Variants in WNK2 observed in about 807,000 individuals in gnomAD.
WNK2 encodes the protein serine/threonine-protein kinase WNK2.
A neutral mutation model predicts 192.1 loss-of-function variants in WNK2; 67 were observed. The observed-to-expected ratio is 0.35, with a 90% CI of 0.29 to 0.43. The LOEUF is 0.43. Among genes scored for constraint, WNK2 ranks in the 20% least tolerant of loss-of-function variants. The pLI, the probability that WNK2 is intolerant of heterozygous loss-of-function variation, is 1.00. For synonymous variants in WNK2, 1,439 were observed against 1,393.9 expected (o/e 1.03, Z -0.72); for missense variants, 2,698 against 3,089.7 (o/e 0.87, Z 3.01).
chr9:93,310,190 C>T (rs1390614051), intron 28 of WNK2, among the ~76,000 whole-genome samples: 2 of 152,208 alleles, frequency 1.3e-5, no homozygotes, highest in African/African-American at 4.8e-5. Flanking sequence ...GTCCTCTTGA[C>T]AGGTACACCT....
chr9:93,205,697 A>T (rs1319417488), intron 2 of WNK2, among the ~76,000 whole-genome samples: 1 of 152,092 alleles, frequency 6.6e-6, no homozygotes, highest in Admixed American at 6.5e-5. Context: ...TTTGGTGTTG[A>T]CTTTTACTCT....
intron 19 of WNK2, among the ~76,000 whole-genome samples, chr9:93,278,569 G>A (rs1227021534): frequency 1.3e-5 from 2 of 152,184 alleles, no homozygotes; most frequent in Non-Finnish European, 2.9e-5. Context: ...CTTAAGAGCA[G>A]GATCTGAGAA....
At chr9:93,200,980 G>A (rs1302575402) in intron 2 of WNK2, among the ~76,000 whole-genome samples, 1 of 152,132 alleles carries the variant, frequency 6.6e-6, no homozygotes, top group Non-Finnish European at 1.5e-5. Context: ...ATTTTTTAAA[G>A]GTAAAGGAAA....
At chr9:93,281,209 A>G (rs1454884560) in intron 19 of WNK2, among the ~76,000 whole-genome samples, 1 of 152,226 alleles carries the variant, frequency 6.6e-6, no homozygotes, top group Non-Finnish European at 1.5e-5. Context: ...TTATTGTAGC[A>G]GTTATACCTA....
chr9:93,227,280 A>T (rs562335497), intron 2 of WNK2, among the ~76,000 whole-genome samples: 2 of 151,864 alleles, frequency 1.3e-5, no homozygotes, highest in South Asian at 4.2e-4. Context: ...CGCCCAGCTA[A>T]TTTTTTGTAT....
chr9:93,284,292 C>T (rs1429359256), intron 19 of WNK2, among the ~76,000 whole-genome samples: 1 of 152,208 alleles, frequency 6.6e-6, no homozygotes, highest in Non-Finnish European at 1.5e-5. Context: ...CCCATCAACA[C>T]TTGCAAAATA....
rs766122770 is a variant in WNK2, at chr9:93,234,914, C to T, written c.1182C>T (p.Tyr394=). Reference sequence around the variant, plus strand: ...TGCTGGAGATGGCCACCTCGGAGTACCCCTACTCGGAGTGCCAGAATGCGG... The same window carrying T: ...TGCTGGAGATGGCCACCTCGGAGTATCCCTACTCGGAGTGCCAGAATGCGG... ...MCMLEMATSE[Y]PYSECQNAAQ... is the part of the protein sequence containing the mutation. The change falls in exon 5 of 30, where the codon TAC becomes TAT. Residue 394 remains tyrosine, a synonymous_variant. Transcript: ENST00000427277. 13 of 1,614,162 alleles carry T rather than the reference C, an allele frequency of 8.1e-6. No individual in the cohort carries two copies. Among genetic ancestry groups the T allele is most frequent in the Middle Eastern group, 1.6e-4 (1 of 6,062 alleles).
chr9:93,292,576 C>A lies in WNK2; in HGVS notation c.5111C>A (p.Pro1704Gln). Residue 1704 changes from proline to glutamine, a missense_variant, in exon 23 of 30, where the codon CCG (proline) becomes CAG (glutamine). Around this residue, in one of 7 missense-constraint regions of WNK2, gnomAD observed 1,098 missense variants for 1,101.0 expected, o/e 1.00. Coordinates refer to ENST00000427277, the MANE Select transcript of WNK2 (RefSeq NM_006648.4). Reference sequence around the variant, plus strand: ...GCTGGAGAAAGCTCGGCAGAGCCCCCGCCGAGTGACATGGGCACAGTGGGG... The same window carrying A: ...GCTGGAGAAAGCTCGGCAGAGCCCCAGCCGAGTGACATGGGCACAGTGGGG... ...GEAGESSAEP[P>Q]PSDMGTVGGQ... The A allele has an allele frequency of 6.4e-7, 1 of 1,570,586 alleles. No homozygotes were observed. The highest frequency in any genetic ancestry group is 8.6e-7 in the Non-Finnish European group (1 of 1,156,280).
At chr9:93,233,468 G>A (rs1839250738) in intron 4 of WNK2, among the ~76,000 whole-genome samples, 1 of 152,066 alleles carries the variant, frequency 6.6e-6, no homozygotes, top group Non-Finnish European at 1.5e-5. Flanking sequence ...GGCTGAGGCG[G>A]GCGGATCATT....
In WNK2 at chr9:93,290,101, C is replaced by T. The variant is rs1849090694; in HGVS notation, c.4936+54C>T. On this transcript the variant is annotated intron_variant, in intron 21 of 29. Transcript: ENST00000427277. ...CACAAGGTGCTGCCTGGCTTCCTTG[C>T]CCCAGAACCTTCTGCATCCGCACCC... 9.4e-6 allele frequency: 14 copies of T among 1,487,706 alleles called. 1 individual carries two copies. In the South Asian group the frequency reaches 1.4e-4, roughly 15 times the overall value. The allele number at this position is 1,487,706 out of a possible 1,614,324, so 92.2% of individuals were successfully genotyped here.
intron 7 of WNK2, among the ~76,000 whole-genome samples, chr9:93,245,758 C>T (rs1448911068): frequency 6.6e-6 from 1 of 152,224 alleles, no homozygotes; most frequent in Non-Finnish European, 1.5e-5. Context: ...TGTCCCATTG[C>T]TGCCTAGTGA....
intron 7 of WNK2, among the ~76,000 whole-genome samples, chr9:93,241,532 A>G (rs925644413): frequency 1.3e-5 from 2 of 152,250 alleles, no homozygotes; most frequent in African/African-American, 2.4e-5. Flanking sequence ...CCCAAGCTTC[A>G]CTTCTCCAGG....
intron 2 of WNK2, among the ~76,000 whole-genome samples, chr9:93,207,982 C>T (rs1217683242): frequency 6.6e-6 from 1 of 152,260 alleles, no homozygotes; most frequent in Non-Finnish European, 1.5e-5. Context: ...TGCTCCCTTC[C>T]TCCTTGTCCA....
At chr9:93,225,722 A>G (rs1251186373) in intron 2 of WNK2, among the ~76,000 whole-genome samples, 3 of 152,228 alleles carry the variant, frequency 2.0e-5, no homozygotes, top group Non-Finnish European at 4.4e-5. Context: ...CTTGTGCTAT[A>G]AATGATCCTG....
rs1279722580 is a variant in WNK2 at position 93,194,651 on chromosome 9, T to C, written c.681+9041T>C. Among the ~76,000 whole-genome samples the C allele has an allele frequency of 2.6e-5, 4 of 152,336 alleles. No homozygotes were observed. The East Asian group carries it at 7.7e-4, about 29-fold the overall frequency. ...TATTTTGGAAGGTCTTTTGGTAGTT[T>C]CTTATAAAACTAAACACACTCTTAC... On this transcript the variant is annotated intron_variant, in intron 2 of 29. Transcript: ENST00000427277.
rs754175082 is a variant in WNK2, at chr9:93,268,728, C to T, written c.4015C>T (p.Pro1339Ser). ...GCCCCCACTTCCTCTAAGCTCCCTG[C>T]CGCCAGAAGCCAGCCAAGGTATGAG... ...SSPPLPLSSL[P>S]PEASQDSAPY... Residue 1339 changes from proline (P) to serine (S), a missense_variant, in exon 19 of 30, where the codon CCG becomes TCG. Pro to Ser is a moderately conservative substitution (Grantham distance 74, BLOSUM62 -1). Coordinates refer to ENST00000427277, the MANE Select transcript of WNK2 (RefSeq NM_006648.4). 6 of 1,612,752 alleles carry T rather than the reference C, an allele frequency of 3.7e-6. No homozygotes were observed. The highest frequency in any genetic ancestry group is 4.2e-6 in the Non-Finnish European group (5 of 1,179,598).
At position 93,317,849 on chromosome 9, in the gene WNK2, G is replaced by T. The variant is rs147034958; in HGVS notation, c.6628+218G>T. 1.1e-4 allele frequency: 161 copies of T among 1,528,566 alleles called. 3 individuals carry two copies. The East Asian group carries it at 3.7e-3, about 35-fold the overall frequency. 94.7% of individuals were successfully genotyped at this position (1,528,566 alleles called of 1,614,324 possible). A position where few individuals can be genotyped will look rare whatever the true frequency, so the allele number is the denominator to read the frequency against. On this transcript the variant is annotated intron_variant, in intron 29 of 29. Coordinates refer to ENST00000427277, the MANE Select transcript of WNK2 (RefSeq NM_006648.4). ...CTGGCCCCCGGCTGCGGATCACGTAGCCTTCTGCCCTGTCCCTTGCCAGAT... is the reference window on the plus strand; with the variant it reads ...CTGGCCCCCGGCTGCGGATCACGTATCCTTCTGCCCTGTCCCTTGCCAGAT...
rs1321109081 is a variant in WNK2, at chr9:93,306,926, T to C, written c.6259+105T>C. ...CGGCCGGGCGGGCGTGGGCCTGCCC[T>C]GTGCCTGCCCCGCGCCTGCTCCATG... On this transcript the variant is annotated intron_variant, in intron 27 of 29. Coordinates refer to ENST00000427277, the MANE Select transcript of WNK2 (RefSeq NM_006648.4). 1.3e-5 allele frequency: 18 copies of C among 1,413,942 alleles called. No individual in the cohort carries two copies. In the East Asian group the frequency reaches 2.7e-4, roughly 21 times the overall value. The allele number at this position is 1,413,942 out of a possible 1,614,324, so 87.6% of individuals were successfully genotyped here.
intron 2 of WNK2, among the ~76,000 whole-genome samples, chr9:93,198,522 T>G (rs950192135): frequency 2.0e-5 from 3 of 151,972 alleles, no homozygotes; most frequent in Non-Finnish European, 2.9e-5. Flanking sequence ...CCTTGTTGAG[T>G]TGGGGGAGTG....
Sources: gnomAD v4.1 joint callset for allele counts (sites outside exome capture counted in the v4.1 genomes callset) on GRCh38, gnomAD v4.1.1 for gene constraint, gnomAD v4.1.1 regional missense constraint, MANE v1.5 for transcripts, NCBI Gene and HGNC (gene_info 2026-07-23, HGNC 2026-07-21) for gene names.